NTM: variants seen among roughly 807,000 people sequenced by gnomAD.
NTM encodes the protein neurotrimin.
A neutral mutation model predicts 42.1 loss-of-function variants in NTM; 13 were observed. The ratio of observed to expected loss-of-function variants is 0.31; its 90% CI spans 0.20 to 0.49. NTM has a LOEUF of 0.49. Ranked by LOEUF, NTM falls within the 20% of genes least tolerant of loss-of-function variation. The pLI, the probability that NTM is intolerant of heterozygous loss-of-function variation, is 0.99. For synonymous variants in NTM, 187 were observed against 179.2 expected (o/e 1.04, Z -0.35); for missense variants, 373 against 452.8 (o/e 0.82, Z 1.60).
intron 1 of NTM, among the ~76,000 whole-genome samples, chr11:131,647,437 T>C (rs944853786): frequency 6.6e-6 from 1 of 152,114 alleles, no homozygotes. Context: ...CTGTAAAATA[T>C]TGTGGAGGGA....
chr11:132,187,214 C>CGTGTGTGT (rs55849086), intron 3 of NTM, among the ~76,000 whole-genome samples: 4 of 148,460 alleles, frequency 2.7e-5, no homozygotes, highest in East Asian at 4.1e-4. Context: ...GCTCAGATGG[C>CGTGTGTGT]GTGTGTGTGT....
At chr11:131,558,819 A>G (rs952102541) in intron 1 of NTM, among the ~76,000 whole-genome samples, 41 of 152,202 alleles carry the variant, frequency 2.7e-4, no homozygotes, top group Non-Finnish European at 4.7e-4. Flanking sequence ...GAGTGGCTTC[A>G]TGACGACTGA....
intron 1 of NTM, among the ~76,000 whole-genome samples, chr11:131,839,290 G>C (rs920304602): frequency 1.3e-5 from 2 of 152,196 alleles, no homozygotes; most frequent in African/African-American, 4.8e-5. Context: ...TGGTTAGGTA[G>C]AAAAATATAA....
At chr11:131,643,961 A>G (rs1238545042) in intron 1 of NTM, among the ~76,000 whole-genome samples, 1 of 152,240 alleles carries the variant, frequency 6.6e-6, no homozygotes, top group Non-Finnish European at 1.5e-5. Flanking sequence ...TCATGTATGC[A>G]CAGACATTCT....
chr11:131,566,112 C>T lies in NTM; in HGVS notation c.82+195224C>T, dbSNP rs113858878. ...TTGTGCTCTTAACGTCTCTCCCTTCCAGAAAACTGCCCCACACCCGGTCTC... is the reference window on the plus strand; with the variant it reads ...TTGTGCTCTTAACGTCTCTCCCTTCTAGAAAACTGCCCCACACCCGGTCTC... On this transcript the variant is annotated intron_variant, in intron 1 of 8. Coordinates refer to ENST00000683400, the MANE Select transcript of NTM (RefSeq NM_001352005.2). 4.3e-3 allele frequency among the ~76,000 whole-genome samples: 654 copies of T among 152,236 alleles called. 7 individuals carry two copies. Among genetic ancestry groups the T allele is most frequent in the African/African-American group, 0.014 (597 of 41,542 alleles).
At chr11:131,612,594 T>A (rs1245946064) in intron 1 of NTM, among the ~76,000 whole-genome samples, 1 of 152,256 alleles carries the variant, frequency 6.6e-6, no homozygotes, top group Non-Finnish European at 1.5e-5. Context: ...ATGTCAAACA[T>A]GTGCTTATTG....
Position 132,336,011 on chromosome 11 carries a change from G to T in NTM, c.*865G>T, listed in dbSNP as rs562170800. 4 of 152,524 alleles carry T rather than the reference G, an allele frequency of 2.6e-5. No individual in the cohort carries two copies. Among genetic ancestry groups the T allele is most frequent in the African/African-American group, 7.2e-5 (3 of 41,396 alleles). 9.4% of individuals were successfully genotyped at this position (152,524 alleles called of 1,614,324 possible). ...GGCATATCCACCAAAAAATGCATCC[G>T]ATTTAACCAACATCTCCACCAGCGC... On this transcript the variant is annotated 3_prime_UTR_variant, in exon 9 of 9. Coordinates refer to ENST00000683400, the MANE Select transcript of NTM (RefSeq NM_001352005.2).
intron 2 of NTM, among the ~76,000 whole-genome samples, chr11:131,982,548 T>C (rs1392939909): frequency 6.6e-6 from 1 of 152,160 alleles, no homozygotes; most frequent in South Asian, 2.1e-4. Context: ...TGCTCCCCTA[T>C]GGAAAGCAGA....
chr11:132,259,306 A>G (rs1315644777), intron 4 of NTM, among the ~76,000 whole-genome samples: 1 of 152,220 alleles, frequency 6.6e-6, no homozygotes, highest in Non-Finnish European at 1.5e-5. Flanking sequence ...CAGGGTGAGG[A>G]ACCTCTGAAG....
chr11:131,611,113 G>A (rs1043417612), intron 1 of NTM, among the ~76,000 whole-genome samples: 3 of 152,094 alleles, frequency 2.0e-5, no homozygotes, highest in African/African-American at 7.2e-5. Flanking sequence ...CTGAGTGTAG[G>A]AAGAGGCATC....
chr11:131,571,493 G>T (rs529870772), intron 1 of NTM, among the ~76,000 whole-genome samples: 1 of 152,324 alleles, frequency 6.6e-6, no homozygotes, highest in Admixed American at 6.5e-5. Context: ...CAAGCTCTTA[G>T]CATGACAGGC....
chr11:131,702,513 C>T (rs1464215894), intron 1 of NTM, among the ~76,000 whole-genome samples: 3 of 152,150 alleles, frequency 2.0e-5, no homozygotes, highest in Non-Finnish European at 4.4e-5. Context: ...AGAACTCACT[C>T]TCCACTCTGG....
At chr11:131,655,425 T>C (rs1455467376) in intron 1 of NTM, among the ~76,000 whole-genome samples, 2 of 152,204 alleles carry the variant, frequency 1.3e-5, no homozygotes, top group South Asian at 2.1e-4. Flanking sequence ...TCCTTCCTTT[T>C]TGGCAACACC....
intron 4 of NTM, among the ~76,000 whole-genome samples, chr11:132,277,278 G>A (rs765251815): frequency 7.2e-5 from 11 of 152,148 alleles, no homozygotes; most frequent in South Asian, 2.1e-4. Flanking sequence ...TGATTTTATC[G>A]ACTTACTTAC....
rs530891243 is a variant in NTM at position 132,020,705 on chromosome 11, G to T, written c.167+109057G>T. Among the ~76,000 whole-genome samples, 4 of 152,100 alleles carry T rather than the reference G, an allele frequency of 2.6e-5. No homozygotes were observed. The South Asian group carries it at 8.3e-4, about 32-fold the overall frequency. On this transcript the variant is annotated intron_variant, in intron 2 of 8. Coordinates refer to ENST00000683400, the MANE Select transcript of NTM (RefSeq NM_001352005.2). ...TTTTCCTTTTGGTACTTGAATATATGTTATCCCATTGCCTTGGCCTTCATT... is the reference window on the plus strand; with the variant it reads ...TTTTCCTTTTGGTACTTGAATATATTTTATCCCATTGCCTTGGCCTTCATT...
chr11:131,755,842 C>T (rs1207129342), intron 1 of NTM, among the ~76,000 whole-genome samples: 24 of 152,198 alleles, frequency 1.6e-4, no homozygotes, highest in Admixed American at 1.6e-3. Context: ...GGCCAAATTG[C>T]TTAACATGTC....
intron 1 of NTM, among the ~76,000 whole-genome samples, chr11:131,446,575 CG>C (rs1565509147): frequency 6.6e-6 from 1 of 152,178 alleles, no homozygotes; most frequent in Non-Finnish European, 1.5e-5. Context: ...GGCGCACATT[CG>C]CCTTCCTCTG....
intron 1 of NTM, among the ~76,000 whole-genome samples, chr11:131,631,785 T>C (rs1469815205): frequency 6.6e-6 from 1 of 152,238 alleles, no homozygotes; most frequent in Non-Finnish European, 1.5e-5. Context: ...GTCTGCCCTG[T>C]ATCTTTCAGG....
intron 1 of NTM, among the ~76,000 whole-genome samples, chr11:131,511,294 C>T (rs2048207430): frequency 6.6e-6 from 1 of 152,188 alleles, no homozygotes; most frequent in South Asian, 2.1e-4. Flanking sequence ...CCCAGCCAGG[C>T]CATGAGCCCA....
Sources: gnomAD v4.1 joint callset for allele counts (sites outside exome capture counted in the v4.1 genomes callset) on GRCh38, gnomAD v4.1.1 for gene constraint, MANE v1.5 for transcripts, NCBI Gene and HGNC (gene_info 2026-07-23, HGNC 2026-07-21) for gene names.